DPYD: variants seen among roughly 807,000 people sequenced by gnomAD.
DPYD encodes dihydropyrimidine dehydrogenase, also known as dihydropyrimidine dehydrogenase [NADP(+)].
In DPYD, 109 loss-of-function variants were observed where a neutral mutation model predicts 116.2. The observed-to-expected ratio is 0.94, with a 90% CI of 0.80 to 1.10. The LOEUF is 1.10. DPYD is among the 50% of genes least tolerant of loss of function. The probability of loss-of-function intolerance (pLI) is 0.00; values close to 1 mark genes in which losing one functional copy is unlikely to be tolerated. For missense variants in DPYD, 1,302 were observed against 1,254.5 expected, an observed-to-expected ratio of 1.04 and a Z score of -0.57; for synonymous variants, 440 against 432.0, an observed-to-expected ratio of 1.02 and a Z score of -0.23.
At chr1:97,791,989 C>CAA (rs533412997) in intron 3 of DPYD, among the ~76,000 whole-genome samples, 2 of 151,132 alleles carry the variant, frequency 1.3e-5, no homozygotes, top group South Asian at 2.1e-4. Flanking sequence ...AAACCAATTA[C>CAA]AAAAAAAAAC....
intron 13 of DPYD, among the ~76,000 whole-genome samples, chr1:97,506,245 G>A (rs1236142211): frequency 6.6e-6 from 1 of 151,730 alleles, no homozygotes; most frequent in Admixed American, 6.6e-5. Context: ...TGAGTATAAA[G>A]AATATCATTA....
At chr1:97,128,269 T>C (rs1653003411) in intron 20 of DPYD, among the ~76,000 whole-genome samples, 1 of 152,160 alleles carries the variant, frequency 6.6e-6, no homozygotes, top group African/African-American at 2.4e-5. Context: ...GAAACATACA[T>C]ATTCTTGAGT....
At chr1:97,222,899 C>A (rs957215169) in intron 19 of DPYD, among the ~76,000 whole-genome samples, 4 of 151,770 alleles carry the variant, frequency 2.6e-5, no homozygotes, top group African/African-American at 4.8e-5. Context: ...ACATTTGTTA[C>A]CCTCTGGCCT....
At chr1:97,440,093 T>C (rs1056906737) in intron 14 of DPYD, among the ~76,000 whole-genome samples, 4 of 152,016 alleles carry the variant, frequency 2.6e-5, no homozygotes, top group Admixed American at 6.5e-5. Flanking sequence ...CTGACCAACA[T>C]GGAGAAACCC....
chr1:97,668,190 G>C (rs1455040745), intron 8 of DPYD, among the ~76,000 whole-genome samples: 1 of 151,966 alleles, frequency 6.6e-6, no homozygotes, highest in Non-Finnish European at 1.5e-5. Context: ...TTTTAAAAAA[G>C]AATTAATTTA....
In DPYD at chr1:97,469,397, C is replaced by CAAAAAAAAAAAAAAAAAAAAAAAA. The variant is rs59090402; in HGVS notation, c.1741-19198_1741-19175dup. Among the ~76,000 whole-genome samples, 71 of 80,802 alleles carry CAAAAAAAAAAAAAAAAAAAAAAAA rather than the reference C, an allele frequency of 8.8e-4. 1 individual carries two copies. Among genetic ancestry groups the CAAAAAAAAAAAAAAAAAAAAAAAA allele is most frequent in the East Asian group, 2.7e-3 (6 of 2,204 alleles). The allele number at this position is 80,802 out of a possible 152,430, so 53.0% of individuals were successfully genotyped here. On this transcript the variant is annotated intron_variant, in intron 13 of 22. Transcript: ENST00000370192. ...ATAGCTCTAAGGGAAGCTAAAATTGCAAAAAAAAAAAAAAAAAAAAAAAAA... is the reference window on the plus strand; with the variant it reads ...ATAGCTCTAAGGGAAGCTAAAATTGCAAAAAAAAAAAAAAAAAAAAAAAAAAAAAAAAAAAAAAAAAAAAAAAAA...
chr1:97,207,352 C>G (rs1659709216), intron 19 of DPYD, among the ~76,000 whole-genome samples: 2 of 152,126 alleles, frequency 1.3e-5, no homozygotes, highest in Non-Finnish European at 1.5e-5. Context: ...TATTACTTAA[C>G]TCTTCTTTGG....
chr1:97,108,916 G>T (rs1377283936), intron 20 of DPYD, among the ~76,000 whole-genome samples: 4 of 152,048 alleles, frequency 2.6e-5, no homozygotes, highest in Non-Finnish European at 5.9e-5. Flanking sequence ...GGATGCATTT[G>T]GTACATATTA....
At chr1:97,474,637 CA>C (rs1324810264) in intron 13 of DPYD, among the ~76,000 whole-genome samples, 29 of 151,512 alleles carry the variant, frequency 1.9e-4, no homozygotes, top group Admixed American at 1.9e-3. Context: ...AATAAAGAAA[CA>C]AAAAATAAAT....
intron 8 of DPYD, among the ~76,000 whole-genome samples, chr1:97,619,583 C>T (rs924044448): frequency 6.6e-6 from 1 of 152,088 alleles, no homozygotes; most frequent in African/African-American, 2.4e-5. Context: ...AAGGGAAACA[C>T]CGGTTACAAA....
chr1:97,893,937 T>A (rs1230571019), intron 1 of DPYD, among the ~76,000 whole-genome samples: 1 of 151,832 alleles, frequency 6.6e-6, no homozygotes, highest in Non-Finnish European at 1.5e-5. Context: ...AATAATAACA[T>A]CTGATATTAA....
At chr1:97,746,656 T>C (rs920923541) in intron 3 of DPYD, among the ~76,000 whole-genome samples, 2 of 152,016 alleles carry the variant, frequency 1.3e-5, no homozygotes. Context: ...GTGATGGAAA[T>C]TGTATACATT....
chr1:97,491,439 T>C (rs1329143755), intron 13 of DPYD, among the ~76,000 whole-genome samples: 3 of 151,872 alleles, frequency 2.0e-5, no homozygotes, highest in Non-Finnish European at 2.9e-5. Context: ...CTAATTTTTG[T>C]ATATACTACG....
rs370788915 is a variant in DPYD, at chr1:97,844,701, C to T, written c.151-16505G>A. ...AGGAGCCAGGTACAGGTGGGAGCCC[C>T]ACACACTTCTGAGTTGGCAGGGTGG... On this transcript the variant is annotated intron_variant, in intron 2 of 22. Coordinates refer to ENST00000370192, the MANE Select transcript of DPYD (RefSeq NM_000110.4). Among the ~76,000 whole-genome samples the T allele has an allele frequency of 1.5e-3, 222 of 152,282 alleles. 6 individuals are homozygous for T. In the South Asian group the frequency reaches 0.044, roughly 30 times the overall value.
At chr1:97,466,069 C>A (rs925514904) in intron 13 of DPYD, among the ~76,000 whole-genome samples, 1 of 152,096 alleles carries the variant, frequency 6.6e-6, no homozygotes, top group African/African-American at 2.4e-5. Flanking sequence ...CCACTGCACT[C>A]CAGCCTGGAT....
At position 97,077,804 on chromosome 1, in the gene DPYD, A is replaced by G. The variant is rs1465495490; in HGVS notation, c.*1172T>C. 6.6e-6 allele frequency: 1 copy of G among 152,222 alleles called. No homozygotes were observed. The highest frequency in any genetic ancestry group is 1.5e-5 in the Non-Finnish European group (1 of 68,030). The allele number at this position is 152,222 out of a possible 1,614,324, so 9.4% of individuals were successfully genotyped here. ...CAGTAATACAGGTTTTGTGGCAAAT[A>G]TGCATTTCTAAAAGTGCATAATGAA... is the stretch of plus-strand genomic sequence containing the variant. On this transcript the variant is annotated 3_prime_UTR_variant, in exon 23 of 23. Coordinates refer to ENST00000370192, the MANE Select transcript of DPYD (RefSeq NM_000110.4).
chr1:97,490,846 A>G (rs1170687335), intron 13 of DPYD, among the ~76,000 whole-genome samples: 1 of 150,234 alleles, frequency 6.7e-6, no homozygotes, highest in Non-Finnish European at 1.5e-5. Flanking sequence ...AAACCAAAAA[A>G]CTGATTTTCA....
intron 14 of DPYD, among the ~76,000 whole-genome samples, chr1:97,448,919 T>C (rs1405550861): frequency 6.6e-6 from 1 of 152,142 alleles, no homozygotes; most frequent in East Asian, 1.9e-4. Context: ...TCACGTATTT[T>C]ATTTCAAATG....
intron 21 of DPYD, among the ~76,000 whole-genome samples, chr1:97,087,385 C>CT (rs2101570820): frequency 6.6e-6 from 1 of 152,260 alleles, no homozygotes; most frequent in East Asian, 1.9e-4. Flanking sequence ...TGGCAGAACT[C>CT]TAATAACTAA....
Sources: allele counts gnomAD v4.1 joint callset (sites outside exome capture counted in the v4.1 genomes callset), GRCh38; gene constraint gnomAD v4.1.1; transcripts MANE v1.5; gene names NCBI Gene and HGNC (gene_info 2026-07-23, HGNC 2026-07-21).